NUP188: variants seen among roughly 807,000 people sequenced by gnomAD.
NUP188 encodes the protein nucleoporin NUP188.
In NUP188, 97 loss-of-function variants were observed where a neutral mutation model predicts 223.0. The ratio of observed to expected loss-of-function variants is 0.43; its 90% CI spans 0.37 to 0.51. The LOEUF (loss-of-function observed/expected upper bound fraction) is 0.51, where lower values mean the gene tolerates loss of function less well. Among genes scored for constraint, NUP188 ranks in the 20% least tolerant of loss-of-function variants. The pLI is 0.00. For missense variants in NUP188, 1,947 were observed against 2,175.6 expected (o/e 0.89, Z 2.09); for synonymous variants, 869 against 828.0 (o/e 1.05, Z -0.85).
intron 17 of NUP188, 118 bp from the exon 18 acceptor site, chr9:128,983,175 C>G (rs1842281966): frequency 7.1e-7 from 1 of 1,412,978 alleles, no homozygotes; most frequent in Admixed American, 1.7e-5. Flanking sequence ...TGAGGGTTTT[C>G]CTGTTTTTAT....
At chr9:128,999,448 AC>A (rs1016621025) in intron 33 of NUP188, 131 bp downstream of exon 33, 36 of 1,329,924 alleles carry the variant, frequency 2.7e-5, no homozygotes, top group Non-Finnish European at 3.6e-5. Context: ...TGGAATTCTT[AC>A]CCCAAGAAAG....
chr9:128,962,624 C>A (rs1234615531), intron 8 of NUP188, among the ~76,000 whole-genome samples: 1 of 152,062 alleles, frequency 6.6e-6, no homozygotes, highest in African/African-American at 2.4e-5. Flanking sequence ...ACACCACTTG[C>A]ACCCCATCCT....
chr9:128,977,032 C>T (rs1011506166), intron 12 of NUP188, among the ~76,000 whole-genome samples: 5 of 151,832 alleles, frequency 3.3e-5, no homozygotes, highest in South Asian at 2.1e-4. Flanking sequence ...GAGATGGCGT[C>T]GCTGCACTCC....
At chr9:128,990,300 TCAGGC>T in intron 25 of NUP188, 74 bp downstream of exon 25, 2 of 1,160,000 alleles carry the variant, frequency 1.7e-6, no homozygotes, top group South Asian at 2.4e-5. Context: ...AAAGACATGC[TCAGGC>T]CACGTGCAGC....
chr9:128,993,776 G>T (rs1207611287), intron 27 of NUP188, 82 bp downstream of exon 27: 18 of 1,312,642 alleles, frequency 1.4e-5, no homozygotes, highest in Non-Finnish European at 1.8e-5. Flanking sequence ...GAGGTTTGTT[G>T]TGACAGTTCA....
intron 33 of NUP188, 21 bp from the exon 34 acceptor site, chr9:128,999,603 C>G (rs1842601715): frequency 6.2e-7 from 1 of 1,606,452 alleles, no homozygotes; most frequent in Admixed American, 1.7e-5. Flanking sequence ...ATGACAGTGT[C>G]CCTCCCTGTC....
intron 23 of NUP188, 51 bp from the exon 24 acceptor site, chr9:128,987,996 G>C (rs751326414): frequency 6.3e-7 from 1 of 1,593,478 alleles, no homozygotes; most frequent in African/African-American, 1.3e-5. Flanking sequence ...CATATATTGC[G>C]AATGAAGTCA....
At chr9:129,002,778 C>G in intron 36 of NUP188, 39 bp from the exon 37 acceptor site, 2 of 1,599,068 alleles carry the variant, frequency 1.3e-6, no homozygotes, top group Non-Finnish European at 1.7e-6. Flanking sequence ...TCCTGCCTCT[C>G]AGCAGGGTTC....
intron 28 of NUP188, 116 bp from the exon 29 acceptor site, chr9:128,994,738 CAG>C: frequency 2.4e-6 from 2 of 848,376 alleles, no homozygotes; most frequent in Non-Finnish European, 3.9e-6. Flanking sequence ...TCACATTCAA[CAG>C]GGGTTGTGCT....
chr9:129,006,180 C>G (rs1044240078), intron 42 of NUP188, 57 bp downstream of exon 42: 1 of 1,614,062 alleles, frequency 6.2e-7, no homozygotes, highest in African/African-American at 1.3e-5. Flanking sequence ...GCCCACTGTT[C>G]TCAAGCTTGG....
chr9:128,968,381 C>A, intron 8 of NUP188, 125 bp from the exon 9 acceptor site: 2 of 695,302 alleles, frequency 2.9e-6, no homozygotes, highest in Non-Finnish European at 4.8e-6. Context: ...TTTGAGCAGC[C>A]ATAATCTGCC....
rs772983107 is a variant in NUP188, at chr9:129,006,710, C to T, written c.*32C>T. On this transcript the variant is annotated 3_prime_UTR_variant, in exon 44 of 44. Coordinates refer to ENST00000372577, the MANE Select transcript of NUP188 (RefSeq NM_015354.3). ...GCTGTTCTGCCCACCTACCCCTCTC[C>T]ACCAGCCTACACTGCACCCTGGCTG... 2 of 1,587,986 alleles carry T rather than the reference C, an allele frequency of 1.3e-6. No individual in the cohort carries two copies.
chr9:128,993,482 G>A (rs751215567), intron 26 of NUP188, 43 bp from the exon 27 acceptor site: 2 of 1,612,364 alleles, frequency 1.2e-6, no homozygotes, highest in Admixed American at 3.3e-5. Flanking sequence ...ACAGCTGCTG[G>A]CAGTGGCTGT....
In NUP188 at chr9:128,990,226, G is replaced by A. The variant is rs760722249; in HGVS notation, c.2640G>A (p.Thr880=). 8 of 1,610,044 alleles carry A rather than the reference G, an allele frequency of 5.0e-6. No individual in the cohort carries two copies. The highest frequency in any genetic ancestry group is 2.2e-5 in the East Asian group (1 of 44,856). Residue 880 remains threonine (T), a splice_region_variant and synonymous_variant, in exon 25 of 44, where the codon ACG becomes ACA. Coordinates refer to ENST00000372577, the MANE Select transcript of NUP188 (RefSeq NM_015354.3). ...TTCAGCTGCTGAAACGTCTGGCCAC[G>A]GTAGGATCGTACTTCATGCACACAC... ...LAIQLLKRLA[T]VAPMSVYACL...
intron 7 of NUP188, 32 bp downstream of exon 7, chr9:128,958,926 A>G (rs1290452184): frequency 6.9e-7 from 1 of 1,452,990 alleles, no homozygotes; most frequent in African/African-American, 1.4e-5. Context: ...GCTTCTCTTT[A>G]TACTGTATCA....
chr9:128,970,989 G>A (rs1842097878), intron 11 of NUP188, 31 bp downstream of exon 11: 2 of 1,522,482 alleles, frequency 1.3e-6, no homozygotes, highest in Non-Finnish European at 1.8e-6. Context: ...GGTGAGCATG[G>A]GAGTGAGCCG....
chr9:128,986,486 A>T, intron 20 of NUP188, 72 bp from the exon 21 acceptor site: 1 of 1,519,124 alleles, frequency 6.6e-7, no homozygotes, highest in Non-Finnish European at 8.9e-7. Context: ...ATGGTTTTGG[A>T]ATTAAATCTC....
Position 128,994,843 on chromosome 9 carries a change from GCTA to G in NUP188, c.3088-12_3088-10del. 1 of 1,610,616 alleles carries G rather than the reference GCTA, an allele frequency of 6.2e-7. No homozygotes were observed. Among genetic ancestry groups the G allele is most frequent in the South Asian group, 1.1e-5 (1 of 90,994 alleles). On this transcript the variant is annotated splice_polypyrimidine_tract_variant and intron_variant, in intron 28 of 43. Transcript: ENST00000372577. ...CAGAGATGTGATAATTGCCTGTTCT[GCTA>G]TCTCCACAGCCCAGCATCCTGGAAA...
intron 34 of NUP188, among the ~76,000 whole-genome samples, chr9:129,000,872 A>G (rs1353421671): frequency 6.6e-6 from 1 of 151,568 alleles, no homozygotes; most frequent in Admixed American, 6.6e-5. Flanking sequence ...CCCTGTCTCT[A>G]TGAAAAATAC....
Sources: gnomAD v4.1 joint callset for allele counts (sites outside exome capture counted in the v4.1 genomes callset) on GRCh38, gnomAD v4.1.1 for gene constraint, MANE v1.5 for transcripts, NCBI Gene and HGNC (gene_info 2026-07-23, HGNC 2026-07-21) for gene names.